The following NSD1 variants were observed in gnomAD, a reference collection of about 807,000 sequenced individuals.
The protein encoded by NSD1 is histone-lysine N-methyltransferase, H3 lysine-36 specific.
In NSD1, 26 loss-of-function variants were observed where a neutral mutation model predicts 242.7. That is an observed-to-expected ratio of 0.11 (90% CI 0.08 to 0.15). NSD1 has a LOEUF of 0.15. Among genes scored for constraint, NSD1 ranks in the 10% least tolerant of loss-of-function variants. NSD1 has a pLI of 1.00. For synonymous variants in NSD1, 1,106 were observed against 1,178.1 expected, an observed-to-expected ratio of 0.94 and a Z score of 1.25; for missense variants, 2,495 against 3,272.8, an observed-to-expected ratio of 0.76 and a Z score of 5.80.
intron 17 of NSD1, among the ~76,000 whole-genome samples, chr5:177,277,145 T>A (rs79700193): frequency 8.6e-5 from 13 of 150,714 alleles, no homozygotes; most frequent in East Asian, 3.9e-4. Flanking sequence ...TTTTTTTTTT[T>A]AATAAACATT....
chr5:177,193,013 T>G (rs953786480), intron 3 of NSD1, among the ~76,000 whole-genome samples: 1 of 152,252 alleles, frequency 6.6e-6, no homozygotes, highest in Non-Finnish European at 1.5e-5. Flanking sequence ...ATTTTGAAGT[T>G]TAAAATTTTA....
intron 5 of NSD1, among the ~76,000 whole-genome samples, chr5:177,212,697 G>A (rs1763453323): frequency 6.6e-6 from 1 of 151,954 alleles, no homozygotes; most frequent in Non-Finnish European, 1.5e-5. Flanking sequence ...GTAATTGAGA[G>A]GCTCCGATCC....
chr5:177,152,301 G>A (rs1020928874), intron 2 of NSD1, among the ~76,000 whole-genome samples: 36 of 147,966 alleles, frequency 2.4e-4, no homozygotes, highest in African/African-American at 7.7e-4. Context: ...CCACTGTGCC[G>A]AGCCAGGTTG....
Position 177,267,948 on chromosome 5 carries a change from G to A in NSD1, c.5303+230G>A, listed in dbSNP as rs62397237. 3.4e-3 allele frequency among the ~76,000 whole-genome samples: 350 copies of A among 102,428 alleles called. 1 individual carries two copies. The highest frequency in any genetic ancestry group is 5.6e-3 in the Non-Finnish European group (297 of 53,196). 67.2% of individuals were successfully genotyped at this position (102,428 alleles called of 152,430 possible). On this transcript the variant is annotated intron_variant, in intron 15 of 22. Transcript: ENST00000439151. ...TTTTTTTTTCTTTTGTGTATTTTGTGAAAAGTTTTTTTTTTTTTTTTTAAA... is the reference window on the plus strand; with the variant it reads ...TTTTTTTTTCTTTTGTGTATTTTGTAAAAAGTTTTTTTTTTTTTTTTTAAA...
At chr5:177,148,501 T>C (rs1450656014) in intron 2 of NSD1, among the ~76,000 whole-genome samples, 1 of 152,194 alleles carries the variant, frequency 6.6e-6, no homozygotes, top group African/African-American at 2.4e-5. Context: ...CCTGGCTCAC[T>C]GCAACCTCTG....
intron 3 of NSD1, among the ~76,000 whole-genome samples, chr5:177,195,517 G>T (rs2149825971): frequency 6.6e-6 from 1 of 152,250 alleles, no homozygotes; most frequent in Non-Finnish European, 1.5e-5. Flanking sequence ...GCCCAGGCTA[G>T]AATGCAGTGG....
At chr5:177,220,179 A>T (rs891788471) in intron 5 of NSD1, among the ~76,000 whole-genome samples, 1 of 151,766 alleles carries the variant, frequency 6.6e-6, no homozygotes, top group African/African-American at 2.4e-5. Context: ...TCTCCTTTCA[A>T]TTCTGTCATT....
chr5:177,280,473 C>T (rs2127256708), intron 17 of NSD1, 92 bp from the exon 18 acceptor site: 1 of 1,429,358 alleles, frequency 7.0e-7, no homozygotes, highest in Non-Finnish European at 9.9e-7. Flanking sequence ...AATGTGGCTG[C>T]AACTTCAAGG....
intron 2 of NSD1, among the ~76,000 whole-genome samples, chr5:177,185,187 G>C (rs1354380214): frequency 6.6e-6 from 1 of 152,096 alleles, no homozygotes; most frequent in Non-Finnish European, 1.5e-5. Context: ...AAAAACTGTG[G>C]CTGGGTGCAG....
chr5:177,135,722 A>G lies in NSD1; in HGVS notation c.619A>G (p.Met207Val), dbSNP rs773810623. Residue 207 changes from methionine to valine, a missense_variant, in exon 2 of 23, where the codon ATG (methionine) becomes GTG (valine). By Grantham distance (21) the Met-to-Val change is conservative. Around this residue, in one of 19 missense-constraint regions of NSD1, gnomAD observed 376 missense variants for 367.4 expected, o/e 1.02. Coordinates refer to ENST00000439151, the MANE Select transcript of NSD1 (RefSeq NM_022455.5). ...ATCAGAGAATGGTGTAAAAGTGGCC[A>G]TGGGAAGTGAACAAGACAGCACACC... is the stretch of plus-strand genomic sequence containing the variant. ...TKSENGVKVA[M>V]GSEQDSTPES... 1 of 1,614,220 alleles carries G rather than the reference A, an allele frequency of 6.2e-7. No individual in the cohort carries two copies. The highest frequency in any genetic ancestry group is 8.5e-7 in the Non-Finnish European group (1 of 1,180,032).
chr5:177,173,158 G>A (rs1430137750), intron 2 of NSD1, among the ~76,000 whole-genome samples: 1 of 151,282 alleles, frequency 6.6e-6, no homozygotes. Flanking sequence ...CGGGCGTGGT[G>A]GCAGGTGCCT....
At chr5:177,191,648 A>C (rs1356910536) in intron 2 of NSD1, among the ~76,000 whole-genome samples, 1 of 152,190 alleles carries the variant, frequency 6.6e-6, no homozygotes, top group Non-Finnish European at 1.5e-5. Flanking sequence ...TTTTCAAAAT[A>C]CGGATAGATT....
At chr5:177,265,506 G>T in intron 14 of NSD1, 1 of 678,372 alleles carries the variant, frequency 1.5e-6, no homozygotes, top group Non-Finnish European at 2.6e-6. Flanking sequence ...AGAGGAAGGG[G>T]GAGCCCCACA....
In NSD1 at chr5:177,239,627, C is replaced by A. The variant is rs1372753988; in HGVS notation, c.4193-129C>A. On this transcript the variant is annotated intron_variant, in intron 7 of 22. Coordinates refer to ENST00000439151, the MANE Select transcript of NSD1 (RefSeq NM_022455.5). Reference sequence around the variant, plus strand: ...TATAATAAGCAAATTACCATCCTGCCTCTTCCCATAAGATGACGGGGAAAA... The same window carrying A: ...TATAATAAGCAAATTACCATCCTGCATCTTCCCATAAGATGACGGGGAAAA... The A allele has an allele frequency of 7.9e-6, 5 of 629,996 alleles. No individual in the cohort carries two copies. In the African/African-American group the frequency reaches 9.3e-5, roughly 12 times the overall value. The allele number at this position is 629,996 out of a possible 1,614,324, so 39.0% of individuals were successfully genotyped here.
Position 177,135,624 on chromosome 5 carries a change from T to A in NSD1, c.521T>A (p.Val174Asp), listed in dbSNP as rs2149756234. Residue 174 changes from valine to aspartate, a missense_variant, in exon 2 of 23, where the codon GTC (valine) becomes GAC (aspartate). By Grantham distance (152) the Val-to-Asp change is radical. Around this residue, in one of 19 missense-constraint regions of NSD1, gnomAD observed 376 missense variants for 367.4 expected, o/e 1.02. Transcript: ENST00000439151. ...VDSEMDPEQP[V>D]TEDESIEEIF... ...TCTGAAATGGACCCAGAACAGCCAG[T>A]CACAGAGGATGAGAGTATAGAGGAG... The A allele has an allele frequency of 6.2e-7, 1 of 1,614,224 alleles. No homozygotes were observed. Among genetic ancestry groups the A allele is most frequent in the Non-Finnish European group, 8.5e-7 (1 of 1,180,036 alleles).
chr5:177,142,968 C>G (rs900348109), intron 2 of NSD1, among the ~76,000 whole-genome samples: 10 of 152,200 alleles, frequency 6.6e-5, no homozygotes, highest in African/African-American at 2.4e-4. Context: ...GCTCCATACT[C>G]TCCCCTTGCT....
intron 10 of NSD1, 66 bp from the exon 11 acceptor site, chr5:177,248,115 A>G (rs1251371936): frequency 1.2e-6 from 2 of 1,600,746 alleles, no homozygotes; most frequent in Non-Finnish European, 1.7e-6. Flanking sequence ...AGCAGCCCAG[A>G]GGGAGGGGGT....
intron 2 of NSD1, among the ~76,000 whole-genome samples, chr5:177,186,150 G>A (rs1053908005): frequency 8.4e-5 from 11 of 130,694 alleles, no homozygotes; most frequent in Non-Finnish European, 1.6e-4. Flanking sequence ...AATCAGCCCA[G>A]TGTGGTGGTG....
rs1757775654 is a variant in NSD1, at chr5:177,269,333, C to CTA, written c.5304-265_5304-264dup. Among the ~76,000 whole-genome samples, 1 of 151,954 alleles carries CTA rather than the reference C, an allele frequency of 6.6e-6. No individual in the cohort carries two copies. Among genetic ancestry groups the CTA allele is most frequent in the East Asian group, 1.9e-4 (1 of 5,188 alleles). On this transcript the variant is annotated intron_variant, in intron 15 of 22. Coordinates refer to ENST00000439151, the MANE Select transcript of NSD1 (RefSeq NM_022455.5). The surrounding 1 kb of genome is among the most constrained non-coding windows in gnomAD (Gnocchi z 5.1). Reference sequence around the variant, plus strand: ...ATGTTATTGTCATAACTCTCTGTTCCTATATCATTATTTCCTTTAAGTAGA... The same window carrying CTA: ...ATGTTATTGTCATAACTCTCTGTTCCTATATATCATTATTTCCTTTAAGTAGA...
Sources: gnomAD v4.1 joint callset for allele counts (sites outside exome capture counted in the v4.1 genomes callset) on GRCh38, gnomAD v4.1.1 for gene constraint, gnomAD v4.1.1 regional missense constraint, Gnocchi (gnomAD v3.1) non-coding constraint, MANE v1.5 for transcripts, NCBI Gene and HGNC (gene_info 2026-07-23, HGNC 2026-07-21) for gene names.